DYNC2LI1: variants seen among roughly 807,000 people sequenced by gnomAD.
DYNC2LI1 encodes cytoplasmic dynein 2 light intermediate chain 1.
In DYNC2LI1, 45 loss-of-function variants were observed where a neutral mutation model predicts 51.9. The observed-to-expected ratio is 0.87, with a 90% confidence interval of 0.68 to 1.11. The LOEUF is 1.11. DYNC2LI1 is among the 50% of genes most tolerant of loss of function. The probability of loss-of-function intolerance (pLI) is 0.00; values close to 1 mark genes in which losing one functional copy is unlikely to be tolerated. For missense variants in DYNC2LI1, 490 were observed against 417.4 expected (o/e 1.17, Z -1.51); for synonymous variants, 130 against 137.8 (o/e 0.94, Z 0.40).
At chr2:43,800,776 T>A in intron 8 of DYNC2LI1, 65 bp from the exon 9 acceptor site, 6 of 873,318 alleles carry the variant, frequency 6.9e-6, no homozygotes, top group Non-Finnish European at 1.1e-5. Flanking sequence ...AAAGCCATAT[T>A]TATTTTACCT....
the DYNC2LI1 span, among the ~76,000 whole-genome samples, chr2:43,816,116 CAGAAA>C: frequency 6.6e-6 from 1 of 152,062 alleles, no homozygotes; most frequent in South Asian, 2.1e-4. Context: ...GGTTTGATAT[CAGAAA>C]AGAAAACCAA....
chr2:43,785,024 G>T (rs1178687331), intron 3 of DYNC2LI1, among the ~76,000 whole-genome samples: 3 of 152,170 alleles, frequency 2.0e-5, no homozygotes, highest in African/African-American at 7.2e-5. Flanking sequence ...GGGACCGGGT[G>T]CAGTGGCTCA....
At chr2:43,792,256 T>C (rs1416536085) in intron 5 of DYNC2LI1, among the ~76,000 whole-genome samples, 1 of 152,174 alleles carries the variant, frequency 6.6e-6, no homozygotes. Flanking sequence ...AAAAGACTAC[T>C]TTCTGAATTT....
intron 6 of DYNC2LI1, chr2:43,795,066 TTC>T: frequency 9.8e-7 from 1 of 1,024,074 alleles, no homozygotes; most frequent in Non-Finnish European, 1.2e-6. Context: ...TTCATTTCGT[TTC>T]TGTCACTTAT....
At chr2:43,824,827 G>A in the DYNC2LI1 span, 2 of 1,596,516 alleles carry the variant, frequency 1.3e-6, no homozygotes, top group Non-Finnish European at 8.6e-7. Flanking sequence ...CATCCAGGCA[G>A]AAGTCTGAGA....
intron 2 of DYNC2LI1, among the ~76,000 whole-genome samples, chr2:43,779,612 C>T (rs1008824809): frequency 2.0e-5 from 3 of 152,120 alleles, no homozygotes; most frequent in Non-Finnish European, 4.4e-5. Context: ...ACTTAACTCA[C>T]CCCAGAAAGT....
At chr2:43,778,870 T>G (rs903541788) in intron 2 of DYNC2LI1, among the ~76,000 whole-genome samples, 8 of 152,164 alleles carry the variant, frequency 5.3e-5, no homozygotes, top group Non-Finnish European at 1.2e-4. Context: ...ATACAAACTG[T>G]TTTTTGTTTT....
chr2:43,777,544 T>C (rs1354158627), intron 2 of DYNC2LI1, among the ~76,000 whole-genome samples: 1 of 152,248 alleles, frequency 6.6e-6, no homozygotes, highest in Non-Finnish European at 1.5e-5. Flanking sequence ...AGGTCAAGGC[T>C]TGCCAGATGC....
intron 12 of DYNC2LI1, among the ~76,000 whole-genome samples, chr2:43,808,446 G>T (rs757584738): frequency 2.0e-5 from 3 of 152,194 alleles, no homozygotes; most frequent in Non-Finnish European, 2.9e-5. Context: ...TAGCCAAAGG[G>T]CATTGATTGC....
the DYNC2LI1 span, among the ~76,000 whole-genome samples, chr2:43,827,369 T>C: frequency 1.3e-5 from 2 of 150,820 alleles, no homozygotes; most frequent in African/African-American, 4.9e-5. Flanking sequence ...AAAACATCTC[T>C]CTTATTTGCC....
the DYNC2LI1 span, among the ~76,000 whole-genome samples, chr2:43,827,594 C>G: frequency 6.6e-6 from 1 of 152,140 alleles, no homozygotes; most frequent in Non-Finnish European, 1.5e-5. Context: ...CATTCAAATT[C>G]CTATTTTAAT....
chr2:43,789,140 G>A (rs868057340), intron 4 of DYNC2LI1, among the ~76,000 whole-genome samples: 15 of 152,140 alleles, frequency 9.9e-5, no homozygotes, highest in African/African-American at 1.4e-4. Flanking sequence ...ATCTTGATCC[G>A]CAGCCAGGAT....
chr2:43,822,436 T>G, the DYNC2LI1 span: 5 of 834,640 alleles, frequency 6.0e-6, no homozygotes, highest in Non-Finnish European at 5.8e-6. Flanking sequence ...AATGTGTCTG[T>G]TTTAAGGTTT....
downstream of DYNC2LI1, among the ~76,000 whole-genome samples, chr2:43,811,452 G>T (rs1666476351): frequency 6.6e-6 from 1 of 152,100 alleles, no homozygotes; most frequent in Non-Finnish European, 1.5e-5. Context: ...CACAAGTTAG[G>T]TCACAGTCAG....
chr2:43,804,546 C>T (rs549243944), intron 10 of DYNC2LI1, 96 bp from the exon 11 acceptor site: 11 of 774,216 alleles, frequency 1.4e-5, no homozygotes, highest in African/African-American at 9.0e-5. Flanking sequence ...ATGAGTGATC[C>T]GAGATGTATA....
At chr2:43,794,715 C>G (rs1558684870) in intron 6 of DYNC2LI1, 72 bp downstream of exon 6, 1 of 1,609,460 alleles carries the variant, frequency 6.2e-7, no homozygotes, top group South Asian at 1.1e-5. Flanking sequence ...TCACAAACAA[C>G]TTCTTTAGAT....
intron 12 of DYNC2LI1, among the ~76,000 whole-genome samples, chr2:43,807,999 C>A (rs1666332638): frequency 6.6e-6 from 1 of 151,956 alleles, no homozygotes; most frequent in Admixed American, 6.6e-5. Flanking sequence ...AGTCTGCTGT[C>A]TGCAAAAGGG....
At chr2:43,792,333 A>G (rs1409026601) in intron 5 of DYNC2LI1, among the ~76,000 whole-genome samples, 1 of 152,170 alleles carries the variant, frequency 6.6e-6, no homozygotes, top group Non-Finnish European at 1.5e-5. Context: ...GAACTAAACA[A>G]AATAATTAAA....
At chr2:43,822,813 T>C in the DYNC2LI1 span, 1 of 1,614,084 alleles carries the variant, frequency 6.2e-7, no homozygotes, top group Non-Finnish European at 8.5e-7. Context: ...CACACACTGC[T>C]GAAAATCATG....
Sources: allele counts gnomAD v4.1 joint callset (sites outside exome capture counted in the v4.1 genomes callset), GRCh38; gene constraint gnomAD v4.1.1; transcripts MANE v1.5; gene names NCBI Gene and HGNC (gene_info 2026-07-23, HGNC 2026-07-21).